Variants in MTMR2 observed in about 807,000 individuals in gnomAD.
MTMR2 encodes phosphatidylinositol-3,5-bisphosphate 3-phosphatase MTMR2.
Under a neutral mutation model 86.9 loss-of-function variants are expected in MTMR2, and 55 were observed. The observed-to-expected ratio is 0.63, with a 90% CI of 0.51 to 0.79. The LOEUF (loss-of-function observed/expected upper bound fraction) is 0.79, where lower values mean the gene tolerates loss of function less well. Among genes scored for constraint, MTMR2 ranks in the 30% least tolerant of loss-of-function variants. The pLI, the probability that MTMR2 is intolerant of heterozygous loss-of-function variation, is 0.00. For missense variants in MTMR2, 659 were observed against 772.3 expected, an observed-to-expected ratio of 0.85 and a Z score of 1.74; for synonymous variants, 241 against 266.8, an observed-to-expected ratio of 0.90 and a Z score of 0.94.
intron 7 of MTMR2, among the ~76,000 whole-genome samples, chr11:95,852,234 T>G (rs1565353023): frequency 6.6e-6 from 1 of 152,206 alleles, no homozygotes; most frequent in East Asian, 1.9e-4. Flanking sequence ...ATAAAGAAAC[T>G]ATGGCACAGT....
At chr11:95,913,034 T>C (rs1320146874) in intron 1 of MTMR2, 3 of 152,152 alleles carry the variant, frequency 2.0e-5, no homozygotes. Context: ...AAAAAGTTTT[T>C]TCTTTCCTTC....
rs1447825118 is a variant in MTMR2 at position 95,835,354 on chromosome 11, G to A, written c.1868C>T (p.Thr623Ile). Reference sequence around the variant, plus strand: ...AGAGCTGGCTCTCTCTGAGGATGAGGTTGATCGGTTAGAAATCTCTCTCTG... The same window carrying A: ...AGAGCTGGCTCTCTCTGAGGATGAGATTGATCGGTTAGAAATCTCTCTCTG... ...ELQREISNRS[T>I]SSSERASSPA... is the part of the protein sequence containing the mutation. The change falls in exon 15 of 15, where the codon ACC becomes ATC. Residue 623 changes from threonine (T) to isoleucine (I), a missense_variant. By Grantham distance (89) the Thr-to-Ile change is moderately conservative. Coordinates refer to ENST00000346299, the MANE Select transcript of MTMR2 (RefSeq NM_016156.6). 1.2e-6 allele frequency: 2 copies of A among 1,613,128 alleles called. No individual in the cohort carries two copies. The highest frequency in any genetic ancestry group is 1.7e-6 in the Non-Finnish European group (2 of 1,179,368).
chr11:95,870,996 T>C (rs1356502100), intron 2 of MTMR2, among the ~76,000 whole-genome samples: 2 of 152,076 alleles, frequency 1.3e-5, no homozygotes, highest in East Asian at 1.9e-4. Context: ...GTTTGGTGTT[T>C]TGTCCTTGTG....
intron 2 of MTMR2, among the ~76,000 whole-genome samples, chr11:95,883,437 A>T (rs949321341): frequency 2.6e-5 from 4 of 152,224 alleles, no homozygotes; most frequent in Non-Finnish European, 5.9e-5. Context: ...TATGTAAAAG[A>T]ATACTACATT....
intron 9 of MTMR2, among the ~76,000 whole-genome samples, 158 bp from the exon 10 acceptor site, chr11:95,848,057 A>C (rs1016449015): frequency 1.3e-5 from 2 of 152,188 alleles, no homozygotes; most frequent in Non-Finnish European, 1.5e-5. Context: ...TATTTAGCAC[A>C]ACCACTCGCT....
rs563515404 is a variant in MTMR2 at position 95,884,014 on chromosome 11, A to G, written c.186+4142T>C. ...CAGGACACAAATAAGCAATGAGGCT[A>G]TGTGAAGAACTGGAAGCCTAGAGGT... On this transcript the variant is annotated intron_variant, in intron 2 of 14. Coordinates refer to ENST00000346299, the MANE Select transcript of MTMR2 (RefSeq NM_016156.6). 1.9e-3 allele frequency among the ~76,000 whole-genome samples: 282 copies of G among 152,366 alleles called. 1 individual carries two copies. Among genetic ancestry groups the G allele is most frequent in the Non-Finnish European group, 3.3e-3 (225 of 68,036 alleles).
chr11:95,871,575 T>C (rs927488696), intron 2 of MTMR2, among the ~76,000 whole-genome samples: 4 of 152,222 alleles, frequency 2.6e-5, no homozygotes, highest in Non-Finnish European at 4.4e-5. Flanking sequence ...CACCCACTTT[T>C]TGATGGGGTT....
chr11:95,836,719 G>T (rs946923898), intron 13 of MTMR2, among the ~76,000 whole-genome samples: 1 of 151,946 alleles, frequency 6.6e-6, no homozygotes, highest in African/African-American at 2.4e-5. Flanking sequence ...AAAAAGAAAT[G>T]ATATAAAATG....
At chr11:95,911,984 A>G (rs1020872487) in intron 1 of MTMR2, among the ~76,000 whole-genome samples, 9 of 152,152 alleles carry the variant, frequency 5.9e-5, no homozygotes, top group Admixed American at 4.6e-4. Context: ...GACAAGCAAA[A>G]CTGTTTATTA....
At chr11:95,882,867 C>T (rs1205551828) in intron 2 of MTMR2, among the ~76,000 whole-genome samples, 5 of 144,310 alleles carry the variant, frequency 3.5e-5, no homozygotes, top group African/African-American at 1.3e-4. Context: ...GGACTACAGG[C>T]GCCCGCCACC....
intron 1 of MTMR2, among the ~76,000 whole-genome samples, chr11:95,917,296 T>C (rs1156288271): frequency 6.6e-6 from 1 of 152,186 alleles, no homozygotes; most frequent in African/African-American, 2.4e-5. Flanking sequence ...ATTACTCAAA[T>C]CCTGAATCGC....
chr11:95,921,023 T>C (rs1469696108), intron 1 of MTMR2, among the ~76,000 whole-genome samples: 1 of 152,234 alleles, frequency 6.6e-6, no homozygotes, highest in Admixed American at 6.5e-5. Context: ...AATATTTAAC[T>C]TGAGTTCATG....
Position 95,849,858 on chromosome 11 carries a change from A to G in MTMR2, c.809T>C (p.Leu270Ser). The G allele has an allele frequency of 6.2e-7, 1 of 1,613,986 alleles. No individual in the cohort carries two copies. The stretch of plus-strand genomic sequence containing the variant: ...TTGACTTTCAGGATGAATCCATGAT[A>G]AAACCTTAATGAGGAAAAAATGGTA... ...SFRSRGRIPV[L>S]SWIHPESQAT... Residue 270 changes from leucine to serine, a missense_variant, in exon 9 of 15, where the codon TTA becomes TCA. Leu to Ser is a moderately radical substitution (Grantham distance 145). Coordinates refer to ENST00000346299, the MANE Select transcript of MTMR2 (RefSeq NM_016156.6).
chr11:95,849,903 C>G (rs1279529226), intron 8 of MTMR2, 41 bp from the exon 9 acceptor site: 1 of 1,529,124 alleles, frequency 6.5e-7, no homozygotes, highest in Non-Finnish European at 9.0e-7. Context: ...TTACATACTT[C>G]TCTGTTTATA....
intron 2 of MTMR2, among the ~76,000 whole-genome samples, chr11:95,869,420 T>C (rs1864765908): frequency 6.6e-6 from 1 of 152,128 alleles, no homozygotes; most frequent in African/African-American, 2.4e-5. Context: ...CCTATTGACA[T>C]GGTGCTTTTT....
intron 1 of MTMR2, among the ~76,000 whole-genome samples, chr11:95,919,632 C>A (rs1171098688): frequency 6.6e-6 from 1 of 152,128 alleles, no homozygotes; most frequent in African/African-American, 2.4e-5. Context: ...GACATAATAA[C>A]CTCATTGTGT....
chr11:95,905,327 C>CTGCGCGCGCG (rs1555073877), intron 1 of MTMR2, among the ~76,000 whole-genome samples: 26 of 59,190 alleles, frequency 4.4e-4, no homozygotes, highest in African/African-American at 1.2e-3. Flanking sequence ...ACGCACGCAC[C>CTGCGCGCGCG]TGCGCACACA....
intron 2 of MTMR2, among the ~76,000 whole-genome samples, chr11:95,869,175 TAGC>T (rs1864755190): frequency 1.3e-5 from 2 of 150,754 alleles, no homozygotes; most frequent in East Asian, 3.9e-4. Context: ...CCTTAAAAGT[TAGC>T]AACTATGAAA....
At chr11:95,890,448 T>A (rs991869665) in intron 1 of MTMR2, among the ~76,000 whole-genome samples, 1 of 152,312 alleles carries the variant, frequency 6.6e-6, no homozygotes, top group East Asian at 1.9e-4. Flanking sequence ...CTCTTCCTTG[T>A]GGCTAGGAGA....
Sources: allele counts gnomAD v4.1 joint callset (sites outside exome capture counted in the v4.1 genomes callset), GRCh38; gene constraint gnomAD v4.1.1; transcripts MANE v1.5; gene names NCBI Gene and HGNC (gene_info 2026-07-23, HGNC 2026-07-21).